NBEAL2: variants seen among roughly 807,000 people sequenced by gnomAD.
NBEAL2 encodes neurobeachin like 2.
A neutral mutation model predicts 299.8 loss-of-function variants in NBEAL2; 160 were observed. The ratio of observed to expected loss-of-function variants is 0.53; its 90% confidence interval spans 0.47 to 0.61. The LOEUF (loss-of-function observed/expected upper bound fraction) is 0.61. Among genes scored for constraint, NBEAL2 ranks in the 20% least tolerant of loss-of-function variants. The pLI is 0.00. For missense variants in NBEAL2, 3,112 were observed against 3,649.0 expected (o/e 0.85, Z 3.79); for synonymous variants, 1,493 against 1,542.3 (o/e 0.97, Z 0.75).
intron 1 of NBEAL2, chr3:46,981,855 A>G (rs1217001552): frequency 1.3e-5 from 2 of 152,296 alleles, no homozygotes; most frequent in East Asian, 1.9e-4. Context: ...AGCTCTGTAC[A>G]TGGCCACCCC....
rs1296497928 is a variant in NBEAL2 at position 46,997,183 on chromosome 3, TG to T, written c.2650-73del. 4 of 1,583,154 alleles carry T rather than the reference TG, an allele frequency of 2.5e-6. No individual in the cohort carries two copies. The African/African-American group carries it at 5.4e-5, about 22-fold the overall frequency. On this transcript the variant is annotated intron_variant, in intron 18 of 53. Coordinates refer to ENST00000450053, the MANE Select transcript of NBEAL2 (RefSeq NM_015175.3). ...GCTCAAGAGAGCAAAACTTCCTTTC[TG>T]GGTGGTCTGCTGGGGTGGAGTAGGG... is the stretch of plus-strand genomic sequence containing the variant.
chr3:46,999,449 C>G lies in NBEAL2; in HGVS notation c.3678C>G (p.Gly1226=). The G allele has an allele frequency of 6.3e-7, 1 of 1,581,420 alleles. No homozygotes were observed. Among genetic ancestry groups the G allele is most frequent in the Non-Finnish European group, 8.6e-7 (1 of 1,163,968 alleles). The change falls in exon 25 of 54, where the codon GGC becomes GGG. Residue 1226 remains glycine, a synonymous_variant. Coordinates refer to ENST00000450053, the MANE Select transcript of NBEAL2 (RefSeq NM_015175.3). ...CTGTTTCCCCCCAGCTCTGCCAGGG[C>G]CTCTACAAGCTGTTCCTGGGGGCAG... is the stretch of plus-strand genomic sequence containing the variant. ...EGTVSPQLCQ[G]LYKLFLGADC...
At position 47,001,883 on chromosome 3, in the gene NBEAL2, A is replaced by AGT; in HGVS notation, c.4783-35_4783-34dup. ...CGTGTGAGATGTCGGGAGCTCCAAG[A>AGT]GTGGCTGGGTGCCACTCATCTCTCT... is the stretch of plus-strand genomic sequence containing the variant. On this transcript the variant is annotated intron_variant, in intron 30 of 53. Transcript: ENST00000450053. The surrounding 1 kb of genome is among the most constrained non-coding windows in gnomAD (Gnocchi z 6.1). 6.2e-7 allele frequency: 1 copy of AGT among 1,607,664 alleles called. No individual in the cohort carries two copies. The highest frequency in any genetic ancestry group is 1.1e-5 in the South Asian group (1 of 91,020).
At chr3:46,980,693 A>G (rs2035268060) in intron 1 of NBEAL2, among the ~76,000 whole-genome samples, 1 of 152,114 alleles carries the variant, frequency 6.6e-6, no homozygotes, top group South Asian at 2.1e-4. Context: ...TCAGAAGGTG[A>G]GGGGAGTGAC....
Position 47,004,392 on chromosome 3 carries a change from A to G in NBEAL2, c.6197A>G (p.Gln2066Arg), listed in dbSNP as rs530451777. Residue 2066 changes from glutamine to arginine, a missense_variant and splice_region_variant, in exon 37 of 54, where the codon CAG (glutamine) becomes CGG (arginine). Physicochemically the swap from Gln to Arg is conservative, Grantham distance 43. Transcript: ENST00000450053. The surrounding 1 kb of genome is among the most constrained non-coding windows in gnomAD (Gnocchi z 5.0). Reference protein sequence around the residue: ...QEMLRASGLTQKWVQREISNF... With the variant: ...QEMLRASGLTRKWVQREISNF... ...ATGCTGCGTGCCTCAGGCCTTACCC[A>G]GGTGAGAGCCCTGGGTGTGAGGGAT... The G allele has an allele frequency of 6.3e-7, 1 of 1,589,996 alleles. No homozygotes were observed. The highest frequency in any genetic ancestry group is 1.3e-5 in the African/African-American group (1 of 74,650).
chr3:46,991,195 C>A lies in NBEAL2; in HGVS notation c.557-24C>A. 1 of 1,580,308 alleles carries A rather than the reference C, an allele frequency of 6.3e-7. No homozygotes were observed. The highest frequency in any genetic ancestry group is 1.1e-5 in the South Asian group (1 of 87,018). ...TAGCCCTGCAACCTTGGTGACATTA[C>A]CCTGCCCACACCCCCCTACCCAGAG... On this transcript the variant is annotated intron_variant, in intron 6 of 53. Coordinates refer to ENST00000450053, the MANE Select transcript of NBEAL2 (RefSeq NM_015175.3). This position sits in a 1 kb window ranked among gnomAD's most constrained non-coding sequence, Gnocchi z 6.2.
At chr3:46,998,250 G>A (rs1183290320) in intron 21 of NBEAL2, 24 bp downstream of exon 21, 7 of 1,603,482 alleles carry the variant, frequency 4.4e-6, no homozygotes, top group Non-Finnish European at 5.1e-6. Context: ...CCTGAGCAAG[G>A]GGCCGGCCAT....
At position 47,000,535 on chromosome 3, in the gene NBEAL2, A is replaced by G; in HGVS notation, c.4305+131A>G. 2.6e-6 allele frequency: 3 copies of G among 1,174,512 alleles called. No individual in the cohort carries two copies. Among genetic ancestry groups the G allele is most frequent in the South Asian group, 1.6e-5 (1 of 62,758 alleles). The allele number at this position is 1,174,512 out of a possible 1,614,324, so 72.8% of individuals were successfully genotyped here. On this transcript the variant is annotated intron_variant, in intron 27 of 53. Coordinates refer to ENST00000450053, the MANE Select transcript of NBEAL2 (RefSeq NM_015175.3). The surrounding 1 kb of genome is among the most constrained non-coding windows in gnomAD (Gnocchi z 4.5). ...AGGGTTGCAGCCACTGGTCAGGCCT[A>G]TTGCTGTCCCCTCATAGCTCTCATC...
In NBEAL2 at chr3:46,995,221, G is replaced by T; in HGVS notation, c.1486G>T (p.Gly496Cys). 1 of 1,555,224 alleles carries T rather than the reference G, an allele frequency of 6.4e-7. No individual in the cohort carries two copies. The highest frequency in any genetic ancestry group is 2.4e-5 in the East Asian group (1 of 41,194). ...RATCVQAGLV[G>C]CLLETLSTGL... ...CACCTGTGTGCAGGCAGGCCTGGTGGGCTGCCTGTTGGAGACACTCAGCAC... is the reference window on the plus strand; with the variant it reads ...CACCTGTGTGCAGGCAGGCCTGGTGTGCTGCCTGTTGGAGACACTCAGCAC... Residue 496 changes from glycine to cysteine, a missense_variant, in exon 13 of 54, where the codon GGC becomes TGC. This residue lies in a region of NBEAL2 where 2,243 missense variants were observed against 2,538.1 expected (regional missense o/e 0.88). Coordinates refer to ENST00000450053, the MANE Select transcript of NBEAL2 (RefSeq NM_015175.3).
Position 46,979,772 on chromosome 3 carries a change from C to CCCCCATTCCCCAACTCCAGG in NBEAL2, c.-90_-89insCCCCATTCCCCAACTCCAGG. ...CGCTCCGCCCCGGAGTGACGCCCTC[C>CCCCCATTCCCCAACTCCAGG]GCCCATGGGCCTGGCCGAGGGCAAC... On this transcript the variant is annotated 5_prime_UTR_variant, in exon 1 of 54. Coordinates refer to ENST00000450053, the MANE Select transcript of NBEAL2 (RefSeq NM_015175.3). 1 of 354,648 alleles carries CCCCCATTCCCCAACTCCAGG rather than the reference C, an allele frequency of 2.8e-6. No homozygotes were observed. Among genetic ancestry groups the CCCCCATTCCCCAACTCCAGG allele is most frequent in the Admixed American group, 4.8e-5 (1 of 20,792 alleles). 22.0% of individuals were successfully genotyped at this position (354,648 alleles called of 1,614,324 possible).
In NBEAL2 at chr3:46,995,449, C is replaced by A; in HGVS notation, c.1714C>A (p.Gln572Lys). ...CACATTATCAGGCATGGCCAGGCACCAGGGTCCTGCACGTGCTCTGCGCTA... is the reference window on the plus strand; with the variant it reads ...CACATTATCAGGCATGGCCAGGCACAAGGGTCCTGCACGTGCTCTGCGCTA... ...IRTLSGMARH[Q>K]GPARALRYFD... The change falls in exon 13 of 54, where the codon CAG (glutamine) becomes AAG (lysine). Residue 572 changes from glutamine to lysine, a missense_variant. Transcript: ENST00000450053. 2 of 1,612,870 alleles carry A rather than the reference C, an allele frequency of 1.2e-6. No individual in the cohort carries two copies. The highest frequency in any genetic ancestry group is 1.7e-6 in the Non-Finnish European group (2 of 1,179,890).
In NBEAL2 at chr3:46,979,797, C is replaced by T. The variant is rs952714974; in HGVS notation, c.-65C>T. 4 of 387,396 alleles carry T rather than the reference C, an allele frequency of 1.0e-5. No homozygotes were observed. Among genetic ancestry groups the T allele is most frequent in the Admixed American group, 9.3e-5 (2 of 21,492 alleles). The allele number at this position is 387,396 out of a possible 1,614,324, so 24.0% of individuals were successfully genotyped here. A position where few individuals can be genotyped will look rare whatever the true frequency, so the allele number is the denominator to read the frequency against. On this transcript the variant is annotated 5_prime_UTR_variant, in exon 1 of 54. Transcript: ENST00000450053. ...CGCCCATGGGCCTGGCCGAGGGCAACCGGCGGGCGGCGCGGAGGAGGCGGC... is the reference window on the plus strand; with the variant it reads ...CGCCCATGGGCCTGGCCGAGGGCAATCGGCGGGCGGCGCGGAGGAGGCGGC...
Position 47,002,389 on chromosome 3 carries a change from C to G in NBEAL2, c.5170C>G (p.Gln1724Glu), listed in dbSNP as rs1559611915. ...CCTCCAGGTACAGCCAACCATGTCC[C>G]AGTTCGAAATGGACACGTATGCTAA... ...IDKQVQPTMSQFEMDTYAKSH... is the reference protein window; with the variant it reads ...IDKQVQPTMSEFEMDTYAKSH... The change falls in exon 32 of 54, where the codon CAG becomes GAG. Residue 1724 changes from glutamine (Q) to glutamate (E), a missense_variant. Physicochemically the swap from Gln to Glu is conservative, Grantham distance 29. This residue lies in a region of NBEAL2 where 2,243 missense variants were observed against 2,538.1 expected (regional missense o/e 0.88). Transcript: ENST00000450053. 6.2e-7 allele frequency: 1 copy of G among 1,613,668 alleles called. No homozygotes were observed. Among genetic ancestry groups the G allele is most frequent in the Non-Finnish European group, 8.5e-7 (1 of 1,179,886 alleles).
chr3:46,995,613 C>G lies in NBEAL2; in HGVS notation c.1878C>G (p.Leu626=). ...CTACCCCTGCCCCCACCCGACCACT[C>G]CAGCGAAAGCAGCTGTACAGGTGGG... is the stretch of plus-strand genomic sequence containing the variant. The part of the protein sequence containing the change: ...TAPTPAPTRP[L]QRKQLYSFFT... The change falls in exon 13 of 54, where the codon CTC becomes CTG. Residue 626 remains leucine (L), a synonymous_variant. Transcript: ENST00000450053. The G allele has an allele frequency of 6.2e-7, 1 of 1,611,554 alleles. No homozygotes were observed. Among genetic ancestry groups the G allele is most frequent in the East Asian group, 2.2e-5 (1 of 44,856 alleles).
Position 47,008,537 on chromosome 3 carries a change from C to G in NBEAL2, c.7896C>G (p.His2632Gln). The G allele has an allele frequency of 6.2e-7, 1 of 1,613,718 alleles. No homozygotes were observed. Among genetic ancestry groups the G allele is most frequent in the East Asian group, 2.2e-5 (1 of 44,890 alleles). ...TCCTCCAGGTCACCTACTCCTTGCACCTGTATTCAGTCAATGGGAAGTTGC... is the reference window on the plus strand; with the variant it reads ...TCCTCCAGGTCACCTACTCCTTGCAGCTGTATTCAGTCAATGGGAAGTTGC... Reference protein sequence around the residue: ...RPGAQVTYSLHLYSVNGKLRA... With the variant: ...RPGAQVTYSLQLYSVNGKLRA... The change falls in exon 52 of 54, where the codon CAC (histidine) becomes CAG (glutamine). Residue 2632 changes from histidine (H) to glutamine (Q), a missense_variant. His to Gln is a conservative substitution (Grantham distance 24). This residue lies in a region of NBEAL2 where 348 missense variants were observed against 381.4 expected (regional missense o/e 0.91). Transcript: ENST00000450053.
Position 47,003,775 on chromosome 3 carries a change from G to T in NBEAL2, c.5721-41G>T, listed in dbSNP as rs972024324. 1 of 1,537,284 alleles carries T rather than the reference G, an allele frequency of 6.5e-7. No homozygotes were observed. The highest frequency in any genetic ancestry group is 2.0e-5 in the Admixed American group (1 of 50,464). ...GCCCTTTGGGCTTGTGAAGAAGGGG[G>T]TCCCAGAGCCTACAGCGTGAGGTGG... On this transcript the variant is annotated intron_variant, in intron 35 of 53. Coordinates refer to ENST00000450053, the MANE Select transcript of NBEAL2 (RefSeq NM_015175.3). This position sits in a 1 kb window ranked among gnomAD's most constrained non-coding sequence, Gnocchi z 7.0.
At position 47,005,955 on chromosome 3, in the gene NBEAL2, T is replaced by C; in HGVS notation, c.6811T>C (p.Tyr2271His). 6.2e-7 allele frequency: 1 copy of C among 1,613,508 alleles called. No homozygotes were observed. Among genetic ancestry groups the C allele is most frequent in the South Asian group, 1.1e-5 (1 of 91,072 alleles). ...QQHRQALESE[Y>H]VSAHLHEWID... ...GCCTCCCTACTCTCAGGAGTCGGAG[T>C]ATGTGTCTGCACACCTACACGAGTG... Residue 2271 changes from tyrosine (Y) to histidine (H), a missense_variant, in exon 43 of 54, where the codon TAT (tyrosine) becomes CAT (histidine). By Grantham distance (83) the Tyr-to-His change is moderately conservative (BLOSUM62 2). This residue lies in a region of NBEAL2 where 521 missense variants were observed against 729.6 expected (regional missense o/e 0.71). Coordinates refer to ENST00000450053, the MANE Select transcript of NBEAL2 (RefSeq NM_015175.3).
rs746861417 is a variant in NBEAL2, at chr3:46,996,381, C to T, written c.2262C>T (p.Leu754=). ...CCCTGGCCTACACTCACCCCGCCCT[C>T]ACCCGCTCCCAGTCAGTCCCAGCCT... The part of the protein sequence containing the change: ...PATLAYTHPA[L]TRSQSVPAST... Residue 754 remains leucine (L), a synonymous_variant, in exon 16 of 54, where the codon CTC becomes CTT. Coordinates refer to ENST00000450053, the MANE Select transcript of NBEAL2 (RefSeq NM_015175.3). The T allele has an allele frequency of 5.0e-6, 8 of 1,612,288 alleles. No individual in the cohort carries two copies. The highest frequency in any genetic ancestry group is 1.7e-6 in the Non-Finnish European group (2 of 1,179,696).
rs776666615 is a variant in NBEAL2, at chr3:47,001,927, C to T, written c.4790C>T (p.Ala1597Val). 1 of 1,603,862 alleles carries T rather than the reference C, an allele frequency of 6.2e-7. No individual in the cohort carries two copies. Among genetic ancestry groups the T allele is most frequent in the Non-Finnish European group, 8.5e-7 (1 of 1,173,008 alleles). Residue 1597 changes from alanine (A) to valine (V), a missense_variant, in exon 31 of 54, where the codon GCC becomes GTC. Physicochemically the swap from Ala to Val is moderately conservative, Grantham distance 64 (BLOSUM62 0). Around this residue, in one of 3 missense-constraint regions of NBEAL2, gnomAD observed 2,243 missense variants for 2,538.1 expected, o/e 0.88. Coordinates refer to ENST00000450053, the MANE Select transcript of NBEAL2 (RefSeq NM_015175.3). The surrounding 1 kb of genome is among the most constrained non-coding windows in gnomAD (Gnocchi z 6.1). ...TCTCTCTTGCGCCCACAGCTGCATG[C>T]CCAGGCCTACGTGAGATTGCACATG... Reference protein sequence around the residue: ...YILLEDPQLHAQAYVRLHMLL... With the variant: ...YILLEDPQLHVQAYVRLHMLL...
Sources: gnomAD v4.1 joint callset for allele counts (sites outside exome capture counted in the v4.1 genomes callset) on GRCh38, gnomAD v4.1.1 for gene constraint, gnomAD v4.1.1 regional missense constraint, Gnocchi (gnomAD v3.1) non-coding constraint, MANE v1.5 for transcripts, NCBI Gene and HGNC (gene_info 2026-07-23, HGNC 2026-07-21) for gene names.